RBFOX3: variants seen among roughly 807,000 people sequenced by gnomAD.
RBFOX3 encodes RNA binding fox-1 homolog 3, also known as RNA binding protein fox-1 homolog 3.
A neutral mutation model predicts 48.7 loss-of-function variants in RBFOX3; 17 were observed. That is an observed-to-expected ratio of 0.35 (90% CI 0.24 to 0.52). The LOEUF (loss-of-function observed/expected upper bound fraction) is 0.52. Among genes scored for constraint, RBFOX3 ranks in the 20% least tolerant of loss-of-function variants. The probability of loss-of-function intolerance (pLI) is 0.94; values close to 1 mark genes in which losing one functional copy is unlikely to be tolerated. For missense variants in RBFOX3, 382 were observed against 497.5 expected, an observed-to-expected ratio of 0.77 and a Z score of 2.21; for synonymous variants, 212 against 209.5, an observed-to-expected ratio of 1.01 and a Z score of -0.10.
intron 1 of RBFOX3, among the ~76,000 whole-genome samples, chr17:79,501,555 G>A (rs1669291396): frequency 2.0e-5 from 3 of 152,208 alleles, no homozygotes; most frequent in South Asian, 4.1e-4. Flanking sequence ...TGCAAGAGCC[G>A]AGGGGCTAAG....
chr17:79,190,464 C>A (rs956028035), intron 4 of RBFOX3, among the ~76,000 whole-genome samples: 1 of 138,634 alleles, frequency 7.2e-6, no homozygotes, highest in Non-Finnish European at 1.6e-5. Context: ...AGAAAGGAGT[C>A]CTCAGGGACA....
Position 79,097,735 on chromosome 17 carries a change from T to G in RBFOX3, c.579A>C (p.Leu193=). The G allele has an allele frequency of 6.4e-7, 1 of 1,551,280 alleles. No homozygotes were observed. The highest frequency in any genetic ancestry group is 8.7e-7 in the Non-Finnish European group (1 of 1,146,848). ...CGTAGACTGCGCCGACCACTGGATTTAGCTTCCAGCCTAAAACAAAGGCAC... is the reference window on the plus strand; with the variant it reads ...CGTAGACTGCGCCGACCACTGGATTGAGCTTCCAGCCTAAAACAAAGGCAC... ...TGNPYTNGWK[L]NPVVGAVYGP... Residue 193 remains leucine, a synonymous_variant, in exon 10 of 15, where the codon CTA becomes CTC. Transcript: ENST00000693108.
At chr17:79,486,485 A>T (rs2079625460) in intron 1 of RBFOX3, among the ~76,000 whole-genome samples, 2 of 152,162 alleles carry the variant, frequency 1.3e-5, no homozygotes, top group African/African-American at 2.4e-5. Flanking sequence ...CTGGGAGGTC[A>T]GTTGGGGAAT....
the RBFOX3 span, among the ~76,000 whole-genome samples, chr17:79,620,586 C>T: frequency 1.1e-4 from 3 of 28,456 alleles, no homozygotes; most frequent in South Asian, 1.2e-3. Flanking sequence ...CACACGCACG[C>T]ACACACACGC....
chr17:79,510,272 C>T (rs1006250997), intron 1 of RBFOX3, among the ~76,000 whole-genome samples: 32 of 152,182 alleles, frequency 2.1e-4, no homozygotes, highest in Non-Finnish European at 5.9e-5. Context: ...TCTCGGCTCC[C>T]TGTAACCAGC....
intron 2 of RBFOX3, among the ~76,000 whole-genome samples, chr17:79,427,421 C>T (rs1555726148): frequency 6.6e-6 from 1 of 152,228 alleles, no homozygotes; most frequent in Non-Finnish European, 1.5e-5. Flanking sequence ...AGGGGGCCTT[C>T]CCGGGCTGTG....
intron 5 of RBFOX3, among the ~76,000 whole-genome samples, chr17:79,110,598 G>C (rs2707031): frequency 0.3 from 44,939 of 152,174 alleles, 7,210 homozygotes; most frequent in South Asian, 0.37. Context: ...ACTCAGGCAA[G>C]GACCTGCCTT....
chr17:79,150,959 G>C (rs2044286998), intron 4 of RBFOX3, among the ~76,000 whole-genome samples: 1 of 152,330 alleles, frequency 6.6e-6, no homozygotes, highest in Non-Finnish European at 1.5e-5. Context: ...GCCTGCCACA[G>C]AGGGCTGGGC....
At chr17:79,355,555 G>C (rs2084818156) in intron 2 of RBFOX3, among the ~76,000 whole-genome samples, 1 of 151,878 alleles carries the variant, frequency 6.6e-6, no homozygotes, top group South Asian at 2.1e-4. Flanking sequence ...ACTAAAAGCT[G>C]AATATACCCC....
chr17:79,627,921 C>T, the RBFOX3 span, among the ~76,000 whole-genome samples: 3 of 151,658 alleles, frequency 2.0e-5, no homozygotes, highest in Non-Finnish European at 4.4e-5. Context: ...AAAGAGACCC[C>T]CACGGTCCCC....
the RBFOX3 span, among the ~76,000 whole-genome samples, chr17:79,632,615 C>T: frequency 6.6e-6 from 1 of 152,042 alleles, no homozygotes; most frequent in Admixed American, 6.6e-5. Context: ...CGGCCACACG[C>T]TCCTGTGGCG....
At chr17:79,614,884 C>T (rs1217577687), upstream of RBFOX3, among the ~76,000 whole-genome samples, 2 of 151,890 alleles carry the variant, frequency 1.3e-5, no homozygotes, top group African/African-American at 4.8e-5. Context: ...AGGCTCAACA[C>T]AAAAGGAATT....
In RBFOX3 at chr17:79,443,399, T is replaced by G. The variant is rs543004916; in HGVS notation, c.-175+39055A>C. Among the ~76,000 whole-genome samples, 20 of 152,102 alleles carry G rather than the reference T, an allele frequency of 1.3e-4. No homozygotes were observed. The highest frequency in any genetic ancestry group is 2.6e-4 in the Non-Finnish European group (18 of 67,998). On this transcript the variant is annotated intron_variant, in intron 2 of 14. Transcript: ENST00000693108. This position sits in a 1 kb window ranked among gnomAD's most constrained non-coding sequence, Gnocchi z 4.4. Reference sequence around the variant, plus strand: ...ACACCCTTGCCTCTTTTTTTTTTCTTTTGAGACAGTCTTGCTCTGTCGCCC... The same window carrying G: ...ACACCCTTGCCTCTTTTTTTTTTCTGTTGAGACAGTCTTGCTCTGTCGCCC...
the RBFOX3 span, among the ~76,000 whole-genome samples, chr17:79,632,060 G>C: frequency 6.6e-6 from 1 of 152,224 alleles, no homozygotes. Context: ...GAGACAGCGA[G>C]CCCTCCGCGC....
At chr17:79,517,485 G>A (rs1440118765) in intron 1 of RBFOX3, among the ~76,000 whole-genome samples, 1 of 151,156 alleles carries the variant, frequency 6.6e-6, no homozygotes, top group Non-Finnish European at 1.5e-5. Context: ...AAGAAAGGAA[G>A]GAGGAAAATG....
chr17:79,373,922 G>A (rs1464404503), intron 2 of RBFOX3, among the ~76,000 whole-genome samples: 1 of 152,134 alleles, frequency 6.6e-6, no homozygotes, highest in Non-Finnish European at 1.5e-5. Flanking sequence ...GCAGTGGCGC[G>A]ATCTCGGCTC....
At chr17:79,525,176 A>G (rs911207916) in intron 1 of RBFOX3, among the ~76,000 whole-genome samples, 4 of 152,144 alleles carry the variant, frequency 2.6e-5, no homozygotes, top group Non-Finnish European at 4.4e-5. Context: ...CGTCCTGTGC[A>G]TTGTGAGGTG....
At chr17:79,372,056 A>G (rs1392565721) in intron 2 of RBFOX3, among the ~76,000 whole-genome samples, 1 of 152,014 alleles carries the variant, frequency 6.6e-6, no homozygotes, top group Non-Finnish European at 1.5e-5. Context: ...CAGACGCTTC[A>G]TTTGGGCCTA....
At chr17:79,459,571 C>A (rs1158394842) in intron 2 of RBFOX3, among the ~76,000 whole-genome samples, 1 of 152,126 alleles carries the variant, frequency 6.6e-6, no homozygotes, top group African/African-American at 2.4e-5. Context: ...AATCACGGGG[C>A]AGTGCTGTGT....
Sources: allele counts gnomAD v4.1 joint callset (sites outside exome capture counted in the v4.1 genomes callset), GRCh38; gene constraint gnomAD v4.1.1; non-coding constraint Gnocchi (gnomAD v3.1); transcripts MANE v1.5; gene names NCBI Gene and HGNC (gene_info 2026-07-23, HGNC 2026-07-21).